Variants in MAP3K7CL observed in about 807,000 individuals in gnomAD.
The protein encoded by MAP3K7CL is MAP3K7 C-terminal-like protein.
MAP3K7CL carries 16 observed loss-of-function variants against 18.6 expected under a neutral mutation model. The ratio of observed to expected loss-of-function variants is 0.86; its 90% confidence interval spans 0.58 to 1.31. The LOEUF (loss-of-function observed/expected upper bound fraction) is 1.31, where lower values mean the gene tolerates loss of function less well. Ranked by LOEUF, MAP3K7CL falls within the 50% of genes most tolerant of loss-of-function variation. MAP3K7CL has a pLI of 0.00. For missense variants in MAP3K7CL, 163 were observed against 174.4 expected, an observed-to-expected ratio of 0.93 and a Z score of 0.37; for synonymous variants, 65 against 66.8, an observed-to-expected ratio of 0.97 and a Z score of 0.13.
At position 29,155,384 on chromosome 21, in the gene MAP3K7CL, G is replaced by T. The variant is rs561781316; in HGVS notation, c.133-4557G>T. The stretch of plus-strand genomic sequence containing the variant: ...AAAATTAAATTCTGACATTTTTGAA[G>T]AGGATGGGGCCAGTAGTATTCGCAG... On this transcript the variant is annotated intron_variant, in intron 3 of 4. Coordinates refer to ENST00000399928, the MANE Select transcript of MAP3K7CL (RefSeq NM_001286620.2). 2.0e-5 allele frequency among the ~76,000 whole-genome samples: 3 copies of T among 152,328 alleles called. No homozygotes were observed. In the South Asian group the frequency reaches 6.2e-4, roughly 32 times the overall value.
chr21:29,116,102 A>G (rs544173815), intron 4 of MAP3K7CL, among the ~76,000 whole-genome samples: 3 of 152,338 alleles, frequency 2.0e-5, no homozygotes, highest in South Asian at 2.1e-4. Flanking sequence ...ATGCTTTTCT[A>G]TATCCCATGT....
At chr21:29,113,471 C>A (rs933525065) in intron 4 of MAP3K7CL, among the ~76,000 whole-genome samples, 3 of 152,160 alleles carry the variant, frequency 2.0e-5, no homozygotes, top group Non-Finnish European at 2.9e-5. Flanking sequence ...GAACAATCCA[C>A]CTGGTTGCTC....
At chr21:29,147,805 T>G (rs531846641) in intron 2 of MAP3K7CL, among the ~76,000 whole-genome samples, 1 of 151,856 alleles carries the variant, frequency 6.6e-6, no homozygotes, top group Non-Finnish European at 1.5e-5. Flanking sequence ...GTACTGTATA[T>G]GTGTACTGTA....
chr21:29,107,293 C>T (rs1052900155), intron 4 of MAP3K7CL, among the ~76,000 whole-genome samples: 1 of 151,952 alleles, frequency 6.6e-6, no homozygotes, highest in African/African-American at 2.4e-5. Flanking sequence ...CTAGCCTGGG[C>T]AACAGAGCGA....
chr21:29,087,552 A>G (rs990998440), intron 1 of MAP3K7CL, among the ~76,000 whole-genome samples: 17 of 151,102 alleles, frequency 1.1e-4, no homozygotes, highest in African/African-American at 4.1e-4. Context: ...TGGTTTATGC[A>G]GGATTTAACT....
intron 3 of MAP3K7CL, among the ~76,000 whole-genome samples, chr21:29,159,417 G>A (rs1035770635): frequency 5.9e-5 from 9 of 152,098 alleles, no homozygotes; most frequent in African/African-American, 2.2e-4. Flanking sequence ...CTTAATCCTT[G>A]CAAGCATTAT....
At chr21:29,163,116 TAAAAATA>T (rs1360385997) in intron 4 of MAP3K7CL, among the ~76,000 whole-genome samples, 3 of 151,806 alleles carry the variant, frequency 2.0e-5, no homozygotes, top group Non-Finnish European at 2.9e-5. Flanking sequence ...CTCAAAAAAA[TAAAAATA>T]AAAAATAAAA....
At chr21:29,121,666 G>A (rs1420617921) in intron 4 of MAP3K7CL, among the ~76,000 whole-genome samples, 1 of 151,834 alleles carries the variant, frequency 6.6e-6, no homozygotes, top group Admixed American at 6.6e-5. Context: ...TCAGTGTTTG[G>A]GATTTTTAGA....
At chr21:29,155,973 A>G (rs2087395092) in intron 3 of MAP3K7CL, among the ~76,000 whole-genome samples, 1 of 152,256 alleles carries the variant, frequency 6.6e-6, no homozygotes, top group Non-Finnish European at 1.5e-5. Flanking sequence ...CTGTGACCGC[A>G]CAGAATTTGT....
At chr21:29,119,697 T>C (rs925454386) in intron 4 of MAP3K7CL, among the ~76,000 whole-genome samples, 6 of 149,302 alleles carry the variant, frequency 4.0e-5, no homozygotes, top group African/African-American at 1.2e-4. Context: ...AGTTTCACTC[T>C]TGTTGCCCAG....
intron 4 of MAP3K7CL, among the ~76,000 whole-genome samples, chr21:29,114,206 C>A (rs2086467418): frequency 6.6e-6 from 1 of 151,346 alleles, no homozygotes; most frequent in Non-Finnish European, 1.5e-5. Flanking sequence ...GTAGCTGGGA[C>A]TACAGGCATG....
intron 2 of MAP3K7CL, among the ~76,000 whole-genome samples, chr21:29,136,230 C>T (rs111385049): frequency 1.3e-5 from 2 of 152,200 alleles, no homozygotes; most frequent in Admixed American, 6.5e-5. Flanking sequence ...ATTTGGGACA[C>T]TCCCTTTAAA....
intron 2 of MAP3K7CL, among the ~76,000 whole-genome samples, chr21:29,141,068 C>T (rs185476908): frequency 1.3e-5 from 2 of 152,304 alleles, no homozygotes; most frequent in African/African-American, 4.8e-5. Flanking sequence ...TAAGCCACTG[C>T]CCCAGCCCCA....
chr21:29,083,838 G>T (rs1026091602), upstream of MAP3K7CL, among the ~76,000 whole-genome samples: 2 of 150,618 alleles, frequency 1.3e-5, no homozygotes, highest in African/African-American at 4.9e-5. Flanking sequence ...TGGGATGTGT[G>T]TGTGTGTGTA....
intron 2 of MAP3K7CL, among the ~76,000 whole-genome samples, chr21:29,137,320 G>A (rs954435685): frequency 3.3e-5 from 5 of 152,096 alleles, no homozygotes; most frequent in African/African-American, 7.2e-5. Flanking sequence ...ATTTGGTTTC[G>A]GTGTTTCCAG....
intron 4 of MAP3K7CL, among the ~76,000 whole-genome samples, chr21:29,163,327 G>A (rs2087600264): frequency 1.3e-5 from 2 of 152,124 alleles, no homozygotes; most frequent in African/African-American, 2.4e-5. Flanking sequence ...TTGGCTAGAT[G>A]TAGGGCCAAG....
intron 4 of MAP3K7CL, among the ~76,000 whole-genome samples, chr21:29,163,730 C>G (rs1288278907): frequency 6.7e-6 from 1 of 148,224 alleles, no homozygotes; most frequent in East Asian, 2.0e-4. Context: ...AAGTCTTGCC[C>G]TGTCACCCAG....
At chr21:29,122,465 A>T (rs1483687876) in intron 4 of MAP3K7CL, among the ~76,000 whole-genome samples, 2 of 152,288 alleles carry the variant, frequency 1.3e-5, no homozygotes, top group South Asian at 2.1e-4. Flanking sequence ...CGAATTGAAG[A>T]TGGTAAATTG....
intron 4 of MAP3K7CL, among the ~76,000 whole-genome samples, chr21:29,163,631 G>GGT (rs2087608347): frequency 6.6e-6 from 1 of 151,654 alleles, no homozygotes; most frequent in South Asian, 2.1e-4. Flanking sequence ...GCAGGAGGTG[G>GGT]GTCCTCCAGT....
Sources: allele counts gnomAD v4.1 joint callset (sites outside exome capture counted in the v4.1 genomes callset), GRCh38; gene constraint gnomAD v4.1.1; transcripts MANE v1.5; gene names NCBI Gene and HGNC (gene_info 2026-07-23, HGNC 2026-07-21).